The following KCNN2 variants were observed in gnomAD, a reference collection of about 807,000 sequenced individuals.
The protein encoded by KCNN2 is small conductance calcium-activated potassium channel protein 2.
Under a neutral mutation model 55.5 loss-of-function variants are expected in KCNN2, and 24 were observed. The observed-to-expected ratio is 0.43, with a 90% confidence interval of 0.31 to 0.61. The LOEUF (loss-of-function observed/expected upper bound fraction) is 0.61, where lower values mean the gene tolerates loss of function less well. KCNN2 is among the 20% of genes least tolerant of loss of function. The pLI is 0.08. For missense variants in KCNN2, 754 were observed against 853.6 expected, an observed-to-expected ratio of 0.88 and a Z score of 1.45; for synonymous variants, 431 against 336.1, an observed-to-expected ratio of 1.28 and a Z score of -3.09.
At chr5:114,439,606 C>A (rs1026438405) in intron 3 of KCNN2, among the ~76,000 whole-genome samples, 1 of 152,038 alleles carries the variant, frequency 6.6e-6, no homozygotes, top group Non-Finnish European at 1.5e-5. Flanking sequence ...TTAAAAGCTC[C>A]CTGGGTGATT....
chr5:114,309,412 C>T (rs1756354064), intron 2 of KCNN2, among the ~76,000 whole-genome samples: 1 of 152,112 alleles, frequency 6.6e-6, no homozygotes, highest in African/African-American at 2.4e-5. Flanking sequence ...TATATATTAC[C>T]CTGTAAGAAA....
chr5:114,161,821 C>T (rs1313402509), intron 1 of KCNN2, among the ~76,000 whole-genome samples: 2 of 152,302 alleles, frequency 1.3e-5, no homozygotes, highest in Non-Finnish European at 2.9e-5. Context: ...GCATTCGTCA[C>T]GTGGTTCTCA....
At chr5:114,380,653 A>G (rs543850039) in intron 2 of KCNN2, among the ~76,000 whole-genome samples, 1 of 152,266 alleles carries the variant, frequency 6.6e-6, no homozygotes, top group East Asian at 1.9e-4. Context: ...TAGTATTTTC[A>G]TTATTGTATT....
At chr5:114,136,449 A>G (rs1580544741) in intron 1 of KCNN2, among the ~76,000 whole-genome samples, 2 of 152,342 alleles carry the variant, frequency 1.3e-5, no homozygotes, top group Admixed American at 6.5e-5. Flanking sequence ...TCTATTCATT[A>G]TAAACTACTG....
chr5:114,215,842 T>G (rs1460973965), intron 1 of KCNN2, among the ~76,000 whole-genome samples: 1 of 152,192 alleles, frequency 6.6e-6, no homozygotes, highest in Non-Finnish European at 1.5e-5. Context: ...ATAAATTTTC[T>G]GTCTGGGCCA....
At chr5:114,127,844 T>TC (rs992185462) in intron 1 of KCNN2, among the ~76,000 whole-genome samples, 1 of 152,190 alleles carries the variant, frequency 6.6e-6, no homozygotes, top group African/African-American at 2.4e-5. Context: ...AATTCAAAGT[T>TC]CCACAGATCT....
In KCNN2 at chr5:114,344,935, T is replaced by C. The variant is rs373392597; in HGVS notation, c.-184-16010T>C. Among the ~76,000 whole-genome samples, 23 of 152,342 alleles carry C rather than the reference T, an allele frequency of 1.5e-4. No homozygotes were observed. In the East Asian group the frequency reaches 2.5e-3, roughly 17 times the overall value. The stretch of plus-strand genomic sequence containing the variant: ...GAACTTAATCAAGAGACAATACATA[T>C]GCACTTATATTTTGACCTAGAAATA... On this transcript the variant is annotated intron_variant, in intron 2 of 10. Coordinates refer to the KCNN2 transcript ENST00000512097.
intron 2 of KCNN2, among the ~76,000 whole-genome samples, chr5:114,310,692 T>G (rs1468021148): frequency 6.6e-6 from 1 of 152,134 alleles, no homozygotes; most frequent in Non-Finnish European, 1.5e-5. Context: ...ATTTCGTAAT[T>G]TATAAGTTCT....
intron 1 of KCNN2, among the ~76,000 whole-genome samples, chr5:114,085,342 A>G (rs1368573176): frequency 1.3e-5 from 2 of 151,992 alleles, no homozygotes; most frequent in Non-Finnish European, 2.9e-5. Flanking sequence ...GAGTCTCTCA[A>G]TTAATTTATA....
intron 2 of KCNN2, among the ~76,000 whole-genome samples, chr5:114,273,446 C>G (rs116308014): frequency 0.27 from 41,318 of 152,120 alleles, 6,003 homozygotes; most frequent in Non-Finnish European, 0.32. Flanking sequence ...GCTGCACTCT[C>G]TACCACAATG....
At chr5:114,277,605 T>C (rs187258587) in intron 2 of KCNN2, among the ~76,000 whole-genome samples, 2 of 152,334 alleles carry the variant, frequency 1.3e-5, no homozygotes, top group Admixed American at 1.3e-4. Flanking sequence ...ATCACTGATA[T>C]CCTTTCTTTT....
chr5:114,070,460 G>A (rs1418553254), intron 1 of KCNN2, among the ~76,000 whole-genome samples: 1 of 152,110 alleles, frequency 6.6e-6, no homozygotes, highest in African/African-American at 2.4e-5. Flanking sequence ...ATTCCTTCAA[G>A]AGCTAGTCCA....
chr5:114,284,882 C>T (rs748915895), intron 2 of KCNN2, among the ~76,000 whole-genome samples: 2 of 151,960 alleles, frequency 1.3e-5, no homozygotes, highest in Non-Finnish European at 2.9e-5. Context: ...CCTGTGTGTA[C>T]CAGATGAAAA....
chr5:114,161,935 C>A (rs1490711497), intron 1 of KCNN2, among the ~76,000 whole-genome samples: 1 of 152,146 alleles, frequency 6.6e-6, no homozygotes, highest in East Asian at 1.9e-4. Flanking sequence ...AACTTCGTTG[C>A]CATTGGTTCA....
intron 1 of KCNN2, among the ~76,000 whole-genome samples, chr5:114,103,573 G>T (rs1751417994): frequency 1.3e-5 from 2 of 152,076 alleles, no homozygotes; most frequent in African/African-American, 2.4e-5. Context: ...GTCATAAATA[G>T]CTCTTATTAT....
At chr5:114,286,076 T>A (rs1561555418) in intron 2 of KCNN2, among the ~76,000 whole-genome samples, 1 of 152,076 alleles carries the variant, frequency 6.6e-6, no homozygotes, top group Non-Finnish European at 1.5e-5. Context: ...TGTGCCACCA[T>A]GCCTGGCTAA....
intron 2 of KCNN2, among the ~76,000 whole-genome samples, chr5:114,383,356 C>T (rs1448560148): frequency 1.3e-5 from 2 of 151,828 alleles, no homozygotes; most frequent in African/African-American, 2.4e-5. Flanking sequence ...AAGTGATATT[C>T]CTCAAGGAAT....
chr5:114,219,691 T>G (rs573281374), intron 1 of KCNN2, among the ~76,000 whole-genome samples: 3 of 152,086 alleles, frequency 2.0e-5, no homozygotes, highest in Non-Finnish European at 4.4e-5. Context: ...ATATAAGTTC[T>G]CACTTCGGGC....
At chr5:114,243,526 A>T (rs1432942382) in intron 2 of KCNN2, among the ~76,000 whole-genome samples, 1 of 152,122 alleles carries the variant, frequency 6.6e-6, no homozygotes, top group Non-Finnish European at 1.5e-5. Flanking sequence ...TTAATCACTT[A>T]GTAGCTCAGT....
Sources: gnomAD v4.1 joint callset for allele counts (sites outside exome capture counted in the v4.1 genomes callset) on GRCh38, gnomAD v4.1.1 for gene constraint, MANE v1.5 for transcripts, NCBI Gene and HGNC (gene_info 2026-07-23, HGNC 2026-07-21) for gene names.